The following B3GALT1 variants were observed in gnomAD, a reference collection of about 807,000 sequenced individuals.
B3GALT1 encodes beta-1,3-galactosyltransferase 1, also known as UDP-Gal:betaGlcNAc beta 1,3-galactosyltransferase, polypeptide 1.
B3GALT1 carries 10 observed loss-of-function variants against 23.2 expected under a neutral mutation model. That is an observed-to-expected ratio of 0.43 (90% CI 0.27 to 0.73). The LOEUF is 0.73. Ranked by LOEUF, B3GALT1 falls within the 30% of genes least tolerant of loss-of-function variation. The pLI is 0.21. For synonymous variants in B3GALT1, 156 were observed against 141.5 expected (o/e 1.10, Z -0.73); for missense variants, 299 against 405.4 (o/e 0.74, Z 2.25).
Position 167,491,483 on chromosome 2 carries a change from C to CGT in B3GALT1, c.-410+1206_-410+1207insGT, listed in dbSNP as rs531948133. The stretch of plus-strand genomic sequence containing the variant: ...TTCTGTGTCTTTGGTTTTACTTTTG[C>CGT]TTTTTTTTTTTTTTTTTCATTAACA... On this transcript the variant is annotated intron_variant, in intron 2 of 4. Coordinates refer to ENST00000392690, the MANE Select transcript of B3GALT1 (RefSeq NM_020981.4). Among the ~76,000 whole-genome samples, 9 of 122,024 alleles carry CGT rather than the reference C, an allele frequency of 7.4e-5. No individual in the cohort carries two copies. The Admixed American group carries it at 7.5e-4, about 10-fold the overall frequency. The allele number at this position is 122,024 out of a possible 152,430, so 80.1% of individuals were successfully genotyped here.
chr2:167,384,587 C>T (rs368036147), intron 1 of B3GALT1, among the ~76,000 whole-genome samples: 4 of 152,142 alleles, frequency 2.6e-5, no homozygotes, highest in African/African-American at 9.7e-5. Flanking sequence ...TTTCTCTCCT[C>T]TCCCTTCCCT....
At chr2:167,829,449 C>G (rs1175298410) in intron 4 of B3GALT1, among the ~76,000 whole-genome samples, 2 of 150,510 alleles carry the variant, frequency 1.3e-5, no homozygotes, top group Non-Finnish European at 2.9e-5. Flanking sequence ...CGCCATTGCA[C>G]TCCAGCCCGG....
At chr2:167,784,541 T>C (rs1362962686) in intron 3 of B3GALT1, among the ~76,000 whole-genome samples, 1 of 152,134 alleles carries the variant, frequency 6.6e-6, no homozygotes, top group Non-Finnish European at 1.5e-5. Flanking sequence ...CTAAAGAAAA[T>C]AGCATTTAAG....
At chr2:167,462,570 T>C (rs1309070413) in intron 1 of B3GALT1, among the ~76,000 whole-genome samples, 1 of 152,198 alleles carries the variant, frequency 6.6e-6, no homozygotes, top group Non-Finnish European at 1.5e-5. Context: ...TCCATCTTTA[T>C]CTTAGTATAC....
intron 3 of B3GALT1, chr2:167,713,526 A>C: frequency 3.1e-6 from 2 of 643,408 alleles, no homozygotes; most frequent in South Asian, 4.2e-5. Context: ...TATTTACAAA[A>C]TACTGTCCTG....
intron 1 of B3GALT1, among the ~76,000 whole-genome samples, chr2:167,409,959 C>T (rs1024405106): frequency 6.6e-5 from 10 of 151,988 alleles, no homozygotes; most frequent in Admixed American, 2.0e-4. Context: ...ATCATTCTAC[C>T]ATAAAGACAT....
At chr2:167,704,488 T>C (rs1686940109) in intron 3 of B3GALT1, among the ~76,000 whole-genome samples, 1 of 152,042 alleles carries the variant, frequency 6.6e-6, no homozygotes, top group South Asian at 2.1e-4. Flanking sequence ...AATAGTATCA[T>C]ACCATGCACA....
At chr2:167,427,180 A>C (rs1372803456) in intron 1 of B3GALT1, among the ~76,000 whole-genome samples, 1 of 152,208 alleles carries the variant, frequency 6.6e-6, no homozygotes, top group Non-Finnish European at 1.5e-5. Flanking sequence ...AGAAGCAGCA[A>C]GCTTAAGATA....
chr2:167,579,432 C>CTTTTTTTTTTTT (rs71395297), intron 2 of B3GALT1, among the ~76,000 whole-genome samples: 16 of 109,030 alleles, frequency 1.5e-4, no homozygotes, highest in East Asian at 7.7e-4. Context: ...TTTTTTTTGT[C>CTTTTTTTTTTTT]TTTTTTTTTT....
chr2:167,361,935 A>G (rs1405646763), intron 1 of B3GALT1, among the ~76,000 whole-genome samples: 2 of 152,012 alleles, frequency 1.3e-5, no homozygotes, highest in African/African-American at 2.4e-5. Flanking sequence ...TTAGCTGGGC[A>G]TGGTGGCAGG....
intron 2 of B3GALT1, among the ~76,000 whole-genome samples, chr2:167,563,064 C>G (rs184724297): frequency 2.6e-5 from 4 of 152,176 alleles, no homozygotes; most frequent in South Asian, 2.1e-4. Flanking sequence ...CACACAGACA[C>G]GGCAACCATC....
At chr2:167,345,884 C>T (rs1024734776) in intron 1 of B3GALT1, among the ~76,000 whole-genome samples, 2 of 152,112 alleles carry the variant, frequency 1.3e-5, no homozygotes, top group African/African-American at 4.8e-5. Context: ...TTTTCTTGGT[C>T]TTCCCATATC....
intron 1 of B3GALT1, among the ~76,000 whole-genome samples, chr2:167,486,025 C>T (rs116397287): frequency 6.6e-6 from 1 of 152,110 alleles, no homozygotes; most frequent in Non-Finnish European, 1.5e-5. Context: ...AATTATGTAT[C>T]TAATGGATTG....
At chr2:167,853,490 C>T (rs1008302346) in intron 4 of B3GALT1, among the ~76,000 whole-genome samples, 2 of 151,898 alleles carry the variant, frequency 1.3e-5, no homozygotes, top group Non-Finnish European at 1.5e-5. Flanking sequence ...CTTATTTTTT[C>T]CCATATAGAT....
At chr2:167,306,081 T>C (rs1158222989) in intron 1 of B3GALT1, among the ~76,000 whole-genome samples, 1 of 152,046 alleles carries the variant, frequency 6.6e-6, no homozygotes. Context: ...TTAATACTAC[T>C]TCTAGGAATC....
chr2:167,834,993 G>A (rs1689428178), intron 4 of B3GALT1, among the ~76,000 whole-genome samples: 1 of 152,134 alleles, frequency 6.6e-6, no homozygotes, highest in Admixed American at 6.5e-5. Context: ...ATGACAACTT[G>A]ATAGATACGC....
intron 3 of B3GALT1, among the ~76,000 whole-genome samples, chr2:167,757,335 A>G (rs1687834430): frequency 6.6e-6 from 1 of 152,134 alleles, no homozygotes; most frequent in Admixed American, 6.5e-5. Context: ...GTGGGTGTCC[A>G]GGGTGACAAA....
chr2:167,634,302 G>A (rs1013465938), intron 2 of B3GALT1, among the ~76,000 whole-genome samples: 3 of 151,964 alleles, frequency 2.0e-5, no homozygotes, highest in Non-Finnish European at 4.4e-5. Context: ...AGAGAAGCAA[G>A]AGCAAACACA....
At chr2:167,501,305 C>T (rs1559115142) in intron 2 of B3GALT1, among the ~76,000 whole-genome samples, 1 of 151,206 alleles carries the variant, frequency 6.6e-6, no homozygotes, top group Non-Finnish European at 1.5e-5. Flanking sequence ...CAAATGAAAG[C>T]AAATAAAAAA....
Sources: gnomAD v4.1 joint callset for allele counts (sites outside exome capture counted in the v4.1 genomes callset) on GRCh38, gnomAD v4.1.1 for gene constraint, MANE v1.5 for transcripts, NCBI Gene and HGNC (gene_info 2026-07-23, HGNC 2026-07-21) for gene names.